The following HCN2 variants were observed in gnomAD, a reference collection of about 807,000 sequenced individuals.
HCN2 encodes hyperpolarization activated cyclic nucleotide gated potassium and sodium channel 2.
HCN2 carries 20 observed loss-of-function variants against 52.3 expected under a neutral mutation model. The ratio of observed to expected loss-of-function variants is 0.38; its 90% CI spans 0.27 to 0.56. HCN2 has a LOEUF of 0.56. Among genes scored for constraint, HCN2 ranks in the 20% least tolerant of loss-of-function variants. The pLI is 0.71. For missense variants in HCN2, 981 were observed against 1,207.7 expected (o/e 0.81, Z 2.78); for synonymous variants, 694 against 537.0 (o/e 1.29, Z -4.04).
Position 603,947 on chromosome 19 carries a change from T to G in HCN2, c.1036T>G (p.Tyr346Asp), listed in dbSNP as rs1376741268. The change falls in exon 2 of 8, where the codon TAC (tyrosine) becomes GAC (aspartate). Residue 346 changes from tyrosine to aspartate, a missense_variant. Tyr to Asp is a radical substitution (Grantham distance 160, BLOSUM62 -3). Transcript: ENST00000251287. The stretch of plus-strand genomic sequence containing the variant: ...GCTGCGCCTCTCACGCCTGATCCGC[T>G]ACATCCATCAGTGGGAGGAGGTGAG... ...RLLRLSRLIRYIHQWEEIFHM... is the reference protein window; with the variant it reads ...RLLRLSRLIRDIHQWEEIFHM... The G allele has an allele frequency of 6.6e-7, 1 of 1,505,798 alleles. No individual in the cohort carries two copies. The allele number at this position is 1,505,798 out of a possible 1,614,324, so 93.3% of individuals were successfully genotyped here. A position where few individuals can be genotyped will look rare whatever the true frequency, so the allele number is the denominator to read the frequency against.
At chr19:604,865 C>CAG (rs1983364377) in intron 2 of HCN2, among the ~76,000 whole-genome samples, 196 bp from the exon 3 acceptor site, 1 of 85,364 alleles carries the variant, frequency 1.2e-5, no homozygotes, top group African/African-American at 5.1e-5. Flanking sequence ...TGGGCGGGGT[C>CAG]CTGGGGTGGG....
rs1277906888 is a variant in HCN2 at position 592,159 on chromosome 19, G to A, written c.632+1582G>A. Among the ~76,000 whole-genome samples, 2 of 152,216 alleles carry A rather than the reference G, an allele frequency of 1.3e-5. No homozygotes were observed. Among genetic ancestry groups the A allele is most frequent in the East Asian group, 1.9e-4 (1 of 5,192 alleles). On this transcript the variant is annotated intron_variant, in intron 1 of 7. Coordinates refer to ENST00000251287, the MANE Select transcript of HCN2 (RefSeq NM_001194.4). The surrounding 1 kb of genome is among the most constrained non-coding windows in gnomAD (Gnocchi z 4.8). ...GGTCGGCCTGGCCCCACTTCCAGTC[G>A]GGCAGTGGCACCCCCTGACCGGAGA... is the stretch of plus-strand genomic sequence containing the variant.
At chr19:603,104 G>A (rs1983266701) in intron 1 of HCN2, among the ~76,000 whole-genome samples, 1 of 150,434 alleles carries the variant, frequency 6.6e-6, no homozygotes, top group African/African-American at 2.4e-5. Context: ...TCCCATAGGT[G>A]CCTGGGGGAA....
At chr19:610,600 C>G (rs546019356) in intron 5 of HCN2, among the ~76,000 whole-genome samples, 195 bp downstream of exon 5, 1 of 152,174 alleles carries the variant, frequency 6.6e-6, no homozygotes, top group Non-Finnish European at 1.5e-5. Flanking sequence ...CCGCCACCCC[C>G]GCCTTGCTTC....
intron 4 of HCN2, among the ~76,000 whole-genome samples, chr19:609,599 C>T (rs1403602674): frequency 6.6e-6 from 1 of 152,178 alleles, no homozygotes; most frequent in Non-Finnish European, 1.5e-5. Flanking sequence ...GACCTCATCG[C>T]TACAAAAAAT....
intron 1 of HCN2, among the ~76,000 whole-genome samples, chr19:603,107 T>TG (rs1317322863): frequency 3.4e-5 from 5 of 145,010 alleles, no homozygotes; most frequent in Admixed American, 6.9e-5. Flanking sequence ...CATAGGTGCC[T>TG]GGGGGAAGGC....
chr19:603,355 C>G lies in HCN2; in HGVS notation c.633-189C>G, dbSNP rs375422748. 6.5e-3 allele frequency among the ~76,000 whole-genome samples: 851 copies of G among 131,234 alleles called. 15 individuals are homozygous for G. Among genetic ancestry groups the G allele is most frequent in the Admixed American group, 0.015 (176 of 12,126 alleles). 86.1% of individuals were successfully genotyped at this position (131,234 alleles called of 152,430 possible). Reference sequence around the variant, plus strand: ...TCCCATAGGTGCCTGGGGGAAGGCACCAGCCTGAGGTGTGGGTGCCCCTCG... The same window carrying G: ...TCCCATAGGTGCCTGGGGGAAGGCAGCAGCCTGAGGTGTGGGTGCCCCTCG... On this transcript the variant is annotated intron_variant, in intron 1 of 7. Transcript: ENST00000251287.
chr19:598,460 C>T (rs947209267), intron 1 of HCN2, among the ~76,000 whole-genome samples: 1 of 152,156 alleles, frequency 6.6e-6, no homozygotes, highest in African/African-American at 2.4e-5. Context: ...GTGCGCACCA[C>T]CACGCTGGCT....
At chr19:594,219 G>A (rs1158255222) in intron 1 of HCN2, among the ~76,000 whole-genome samples, 1 of 45,942 alleles carries the variant, frequency 2.2e-5, no homozygotes, top group African/African-American at 1.5e-4. Flanking sequence ...CCCTGCCCCC[G>A]GTGTCACCGA....
intron 7 of HCN2, among the ~76,000 whole-genome samples, chr19:614,780 G>A (rs1983824956): frequency 6.6e-6 from 1 of 152,156 alleles, no homozygotes; most frequent in African/African-American, 2.4e-5. Context: ...GGCGGGCCGT[G>A]TCCAGGAGGG....
At chr19:614,073 C>A in intron 7 of HCN2, 57 bp downstream of exon 7, 1 of 1,314,718 alleles carries the variant, frequency 7.6e-7, no homozygotes, top group Non-Finnish European at 1.0e-6. Context: ...GGGGCGTGGC[C>A]AAGGCATCAG....
At chr19:602,985 C>A (rs34505785) in intron 1 of HCN2, among the ~76,000 whole-genome samples, 9 of 46,754 alleles carry the variant, frequency 1.9e-4, no homozygotes, top group East Asian at 7.1e-4. Flanking sequence ...TGGGCACCCT[C>A]GTCCCCCAGG....
intron 4 of HCN2, among the ~76,000 whole-genome samples, chr19:609,286 C>T (rs1983526209): frequency 6.6e-6 from 1 of 152,190 alleles, no homozygotes; most frequent in African/African-American, 2.4e-5. Context: ...CAGGGCCTGG[C>T]ACCCCCGCCC....
intron 7 of HCN2, 120 bp downstream of exon 7, chr19:614,136 C>T (rs1004585920): frequency 4.3e-6 from 3 of 692,832 alleles, no homozygotes; most frequent in Admixed American, 4.0e-5. Flanking sequence ...GCATCAGGGG[C>T]ACGGTTGGGG....
chr19:595,472 G>C (rs940059443), intron 1 of HCN2, among the ~76,000 whole-genome samples: 2 of 151,854 alleles, frequency 1.3e-5, no homozygotes, highest in Non-Finnish European at 2.9e-5. Context: ...CCCTGGTCCC[G>C]AGGCCGCCCA....
chr19:612,427 T>TGTGTGTGTGTGTGTGTGTGTGA lies in HCN2; in HGVS notation c.1585-820_1585-819insTGTGTGTGTGTGTGTGTGTGAG. 5.4e-3 allele frequency among the ~76,000 whole-genome samples: 763 copies of TGTGTGTGTGTGTGTGTGTGTGA among 142,112 alleles called. 2 individuals are homozygous for TGTGTGTGTGTGTGTGTGTGTGA. Among genetic ancestry groups the TGTGTGTGTGTGTGTGTGTGTGA allele is most frequent in the Middle Eastern group, 7.2e-3 (2 of 276 alleles). 93.2% of individuals were successfully genotyped at this position (142,112 alleles called of 152,430 possible). On this transcript the variant is annotated intron_variant, in intron 5 of 7. Coordinates refer to ENST00000251287, the MANE Select transcript of HCN2 (RefSeq NM_001194.4). Reference sequence around the variant, plus strand: ...GTGTGTGTGTGTGTGTGTGTGTGTGTGAGAGAGAGATGGAGTCTCGCTCTG... The same window carrying TGTGTGTGTGTGTGTGTGTGTGA: ...GTGTGTGTGTGTGTGTGTGTGTGTGTGTGTGTGTGTGTGTGTGTGTGAGAGAGAGAGATGGAGTCTCGCTCTG...
At chr19:612,167 A>C (rs1053916553) in intron 5 of HCN2, among the ~76,000 whole-genome samples, 1 of 151,988 alleles carries the variant, frequency 6.6e-6, no homozygotes, top group Non-Finnish European at 1.5e-5. Flanking sequence ...AGTACCAAAA[A>C]GTGCCCCAGG....
In HCN2 at chr19:617,127, ATT is replaced by A; in HGVS notation, c.*654_*655del. 1 of 261,634 alleles carries A rather than the reference ATT, an allele frequency of 3.8e-6. No homozygotes were observed. The highest frequency in any genetic ancestry group is 7.0e-6 in the Non-Finnish European group (1 of 142,516). 16.2% of individuals were successfully genotyped at this position (261,634 alleles called of 1,614,324 possible). ...ACGCCCCATTAACCCCCACACCCCC[ATT>A]CCGCGCAATAAACGACAGCATTGGC... is the stretch of plus-strand genomic sequence containing the variant. On this transcript the variant is annotated 3_prime_UTR_variant, in exon 8 of 8. Transcript: ENST00000251287.
chr19:607,901 A>G (rs1983474106), intron 3 of HCN2, 63 bp from the exon 4 acceptor site: 23 of 1,322,146 alleles, frequency 1.7e-5, no homozygotes, highest in Non-Finnish European at 2.4e-5. Context: ...TGGGCCCTTG[A>G]GGACCGAGGG....
Sources: allele counts gnomAD v4.1 joint callset (sites outside exome capture counted in the v4.1 genomes callset), GRCh38; gene constraint gnomAD v4.1.1; non-coding constraint Gnocchi (gnomAD v3.1); transcripts MANE v1.5; gene names NCBI Gene and HGNC (gene_info 2026-07-23, HGNC 2026-07-21).